RRP1: variants seen among roughly 807,000 people sequenced by gnomAD.
RRP1 encodes the protein ribosomal RNA processing 1.
Under a neutral mutation model 54.6 loss-of-function variants are expected in RRP1, and 37 were observed. That is an observed-to-expected ratio of 0.68 (90% CI 0.52 to 0.89). The LOEUF is 0.89. Among genes scored for constraint, RRP1 ranks in the 40% least tolerant of loss-of-function variants. RRP1 has a pLI of 0.00. For missense variants in RRP1, 639 were observed against 612.5 expected (o/e 1.04, Z -0.46); for synonymous variants, 262 against 244.3 (o/e 1.07, Z -0.67).
intron 1 of RRP1, among the ~76,000 whole-genome samples, chr21:43,790,128 C>G (rs1161087948): frequency 6.6e-6 from 1 of 152,250 alleles, no homozygotes; most frequent in African/African-American, 2.4e-5. Flanking sequence ...TTCTGTTTTG[C>G]GTTAATTATT....
chr21:43,799,899 A>T (rs1173393507), intron 9 of RRP1, among the ~76,000 whole-genome samples: 1 of 152,158 alleles, frequency 6.6e-6, no homozygotes, highest in Non-Finnish European at 1.5e-5. Flanking sequence ...GGGCTCAGGC[A>T]GAACTGCATT....
intron 3 of RRP1, 125 bp downstream of exon 3, chr21:43,792,854 C>A: frequency 1.0e-6 from 1 of 987,822 alleles, no homozygotes; most frequent in Non-Finnish European, 1.6e-6. Flanking sequence ...GGCAAGAGAG[C>A]GCCAGCTGGT....
intron 11 of RRP1, among the ~76,000 whole-genome samples, chr21:43,801,572 C>G (rs1445172317): frequency 6.6e-6 from 1 of 152,226 alleles, no homozygotes; most frequent in Non-Finnish European, 1.5e-5. Context: ...CTCCTGGTCT[C>G]AAGCGATCCT....
chr21:43,802,471 TC>T, intron 12 of RRP1, 84 bp downstream of exon 12: 2 of 1,065,628 alleles, frequency 1.9e-6, no homozygotes. Context: ...CTGCAGTGTC[TC>T]CCCCTGAAGC....
At chr21:43,798,204 G>T in intron 8 of RRP1, 104 bp downstream of exon 8, 1 of 960,768 alleles carries the variant, frequency 1.0e-6, no homozygotes, top group Non-Finnish European at 1.5e-6. Flanking sequence ...TGGTCCCCTT[G>T]TCTCTGCCCC....
rs201807546 is a variant in RRP1 at position 43,791,439 on chromosome 21, G to A, written c.216+7G>A. On this transcript the variant is annotated splice_region_variant and intron_variant, in intron 2 of 12. Transcript: ENST00000497547. Reference sequence around the variant, plus strand: ...GGACAAGCCACTCCTCCAGGTGAGTGGGGGGAGCAGCAGAGCAGGTACAGA... The same window carrying A: ...GGACAAGCCACTCCTCCAGGTGAGTAGGGGGAGCAGCAGAGCAGGTACAGA... The A allele has an allele frequency of 4.3e-6, 7 of 1,612,524 alleles. No homozygotes were observed. The highest frequency in any genetic ancestry group is 1.1e-5 in the South Asian group (1 of 91,014).
intron 1 of RRP1, chr21:43,791,050 C>T (rs560812705): frequency 3.9e-6 from 2 of 511,236 alleles, no homozygotes; most frequent in South Asian, 1.5e-5. Flanking sequence ...CTTAGGAAAC[C>T]GTCAAGGTTC....
chr21:43,793,088 G>C, intron 3 of RRP1: 1 of 562,224 alleles, frequency 1.8e-6, no homozygotes, highest in East Asian at 3.0e-5. Flanking sequence ...TCTGGTGACC[G>C]GAGTTGAGAA....
At chr21:43,794,862 C>T (rs184332074) in intron 4 of RRP1, among the ~76,000 whole-genome samples, 422 of 152,326 alleles carry the variant, frequency 2.8e-3, no homozygotes, top group Non-Finnish European at 4.3e-3. Context: ...CCTTATGAAT[C>T]GGACTGTTCC....
chr21:43,799,750 T>C (rs2123418787), intron 9 of RRP1, 101 bp downstream of exon 9: 1 of 1,153,162 alleles, frequency 8.7e-7, no homozygotes, highest in Non-Finnish European at 1.3e-6. Flanking sequence ...GGATGGCAGC[T>C]GTTGGCATGG....
chr21:43,791,241 C>A, intron 1 of RRP1, 109 bp from the exon 2 acceptor site: 1 of 1,147,590 alleles, frequency 8.7e-7, no homozygotes, highest in Non-Finnish European at 1.3e-6. Context: ...GTTGCCTTTA[C>A]CGTAAGTGGG....
intron 8 of RRP1, among the ~76,000 whole-genome samples, chr21:43,798,764 C>T (rs2838382): frequency 0.053 from 7,995 of 152,108 alleles, 285 homozygotes; most frequent in South Asian, 0.15. Context: ...ACTCATTGTC[C>T]GAGCCTGCTG....
chr21:43,801,325 G>T (rs1003735638), intron 11 of RRP1, among the ~76,000 whole-genome samples: 2 of 152,186 alleles, frequency 1.3e-5, no homozygotes, highest in African/African-American at 4.8e-5. Context: ...CTGCAACTCA[G>T]TTGGAAGGAT....
chr21:43,799,472 TCCGA>T (rs2085060449), intron 8 of RRP1, 94 bp from the exon 9 acceptor site: 14 of 1,299,654 alleles, frequency 1.1e-5, no homozygotes, highest in South Asian at 1.0e-4. Context: ...GTGCCCGTGC[TCCGA>T]CCAGGGTGCA....
intron 1 of RRP1, chr21:43,790,994 C>T (rs1450039431): frequency 4.3e-6 from 2 of 466,704 alleles, no homozygotes; most frequent in Admixed American, 4.7e-5. Context: ...CAGTATAATG[C>T]TGGATGAATT....
In RRP1 at chr21:43,804,738, C is replaced by T. The variant is rs1368132856; in HGVS notation, c.*964C>T. On this transcript the variant is annotated 3_prime_UTR_variant, in exon 13 of 13. Coordinates refer to ENST00000497547, the MANE Select transcript of RRP1 (RefSeq NM_003683.6). This position sits in a 1 kb window ranked among gnomAD's most constrained non-coding sequence, Gnocchi z 4.3. ...CGAGAGGCCAGGGCTTGGAGTGGGC[C>T]TGGGACCAGGAAGGACCTCTAGGCT... is the stretch of plus-strand genomic sequence containing the variant. 1 of 152,390 alleles carries T rather than the reference C, an allele frequency of 6.6e-6. No homozygotes were observed. The highest frequency in any genetic ancestry group is 1.9e-4 in the East Asian group (1 of 5,196). The allele number at this position is 152,390 out of a possible 1,614,324, so 9.4% of individuals were successfully genotyped here.
At chr21:43,797,226 A>G (rs2085028311) in intron 5 of RRP1, 196 bp from the exon 6 acceptor site, 2 of 825,364 alleles carry the variant, frequency 2.4e-6, no homozygotes, top group Non-Finnish European at 3.6e-6. Context: ...CCCTAACTGC[A>G]AGACTGCCTT....
intron 10 of RRP1, 61 bp from the exon 11 acceptor site, chr21:43,800,801 A>C (rs1361659763): frequency 6.2e-7 from 1 of 1,606,958 alleles, no homozygotes; most frequent in African/African-American, 1.3e-5. Context: ...CTCTAGCTGG[A>C]GCTTCCTCCT....
At position 43,803,668 on chromosome 21, in the gene RRP1, A is replaced by G. The variant is rs1283469182; in HGVS notation, c.1280A>G (p.Gln427Arg). 2.6e-6 allele frequency: 4 copies of G among 1,551,828 alleles called. No individual in the cohort carries two copies. The highest frequency in any genetic ancestry group is 2.0e-5 in the Admixed American group (1 of 51,158). Residue 427 changes from glutamine to arginine, a missense_variant, in exon 13 of 13, where the codon CAG (glutamine) becomes CGG (arginine). Physicochemically the swap from Gln to Arg is conservative, Grantham distance 43. Coordinates refer to ENST00000497547, the MANE Select transcript of RRP1 (RefSeq NM_003683.6). Reference sequence around the variant, plus strand: ...CGAGATCAGCCCAGGGGCCGTGGCCAGAGAGGGGCTCGCCAGAGAAGGAGG... The same window carrying G: ...CGAGATCAGCCCAGGGGCCGTGGCCGGAGAGGGGCTCGCCAGAGAAGGAGG... ...LLRDQPRGRG[Q>R]RGARQRRRTP...
Sources: allele counts gnomAD v4.1 joint callset (sites outside exome capture counted in the v4.1 genomes callset), GRCh38; gene constraint gnomAD v4.1.1; non-coding constraint Gnocchi (gnomAD v3.1); transcripts MANE v1.5; gene names NCBI Gene and HGNC (gene_info 2026-07-23, HGNC 2026-07-21).